NSD3: variants seen among roughly 807,000 people sequenced by gnomAD.
The protein encoded by NSD3 is histone-lysine N-methyltransferase NSD3.
Under a neutral mutation model 160.8 loss-of-function variants are expected in NSD3, and 24 were observed. The observed-to-expected ratio is 0.15, with a 90% confidence interval of 0.11 to 0.21. NSD3 has a LOEUF of 0.21. Ranked by LOEUF, NSD3 falls within the 10% of genes least tolerant of loss-of-function variation. NSD3 has a pLI of 1.00. For missense variants in NSD3, 1,157 were observed against 1,735.9 expected (o/e 0.67, Z 5.93); for synonymous variants, 520 against 600.0 (o/e 0.87, Z 1.95).
In NSD3 at chr8:38,351,179, G is replaced by A. The variant is rs536724880; in HGVS notation, c.-44-2964C>T. 3.5e-3 allele frequency among the ~76,000 whole-genome samples: 507 copies of A among 146,548 alleles called. 2 individuals carry two copies. Among genetic ancestry groups the A allele is most frequent in the Middle Eastern group, 0.011 (3 of 284 alleles). ...TTTTTAGTAGAGACGGGGTTTCACC[G>A]TGTTAGCCAGGATGGTCTCGATCTC... On this transcript the variant is annotated intron_variant, in intron 1 of 23. Coordinates refer to ENST00000317025, the MANE Select transcript of NSD3 (RefSeq NM_023034.2).
chr8:38,379,000 A>G (rs1193673856), intron 1 of NSD3, among the ~76,000 whole-genome samples: 1 of 152,282 alleles, frequency 6.6e-6, no homozygotes, highest in Admixed American at 6.5e-5. Flanking sequence ...CAGATTTGAC[A>G]GTTCACTCAA....
intron 11 of NSD3, 58 bp downstream of exon 11, chr8:38,315,358 A>G (rs1809632372): frequency 2.0e-6 from 3 of 1,482,806 alleles, no homozygotes; most frequent in South Asian, 1.4e-5. Context: ...AGTTAAGTCT[A>G]TTACTGGCAG....
rs1808686172 is a variant in NSD3 at position 38,279,619 on chromosome 8, A to G, written c.3681T>C (p.Asn1227=). Residue 1227 remains asparagine (N), a synonymous_variant, in exon 21 of 24, where the codon AAT becomes AAC. Transcript: ENST00000317025. ...NYSRFMNHSC[N]PNCETQKWTV... is the part of the protein sequence containing the mutation. ...TCCACTTTTGTGTTTCACAGTTGGG[A>G]TTACAACTGTGGTTCATGAAGCGAG... 3.7e-6 allele frequency: 6 copies of G among 1,614,016 alleles called. No individual in the cohort carries two copies. Among genetic ancestry groups the G allele is most frequent in the Non-Finnish European group, 5.1e-6 (6 of 1,180,016 alleles).
At chr8:38,340,398 C>T (rs561342665) in intron 2 of NSD3, among the ~76,000 whole-genome samples, 10 of 152,238 alleles carry the variant, frequency 6.6e-5, no homozygotes, top group African/African-American at 2.2e-4. Context: ...AGTGTGGTGG[C>T]GCCATCTCGG....
intron 2 of NSD3, among the ~76,000 whole-genome samples, chr8:38,344,133 T>C (rs139670017): frequency 6.6e-5 from 10 of 152,348 alleles, no homozygotes; most frequent in African/African-American, 1.7e-4. Flanking sequence ...CACATTTTCA[T>C]TGCTGAGAAG....
intron 1 of NSD3, among the ~76,000 whole-genome samples, chr8:38,373,397 T>G (rs1216247504): frequency 6.6e-6 from 1 of 152,166 alleles, no homozygotes; most frequent in Non-Finnish European, 1.5e-5. Flanking sequence ...TTTTGTATTT[T>G]CACTTCCTAA....
intron 1 of NSD3, among the ~76,000 whole-genome samples, chr8:38,364,847 A>C (rs1811069924): frequency 6.6e-6 from 1 of 152,240 alleles, no homozygotes; most frequent in Non-Finnish European, 1.5e-5. Context: ...AATTATATTA[A>C]TCCAACAATT....
chr8:38,342,426 T>C (rs1457107450), intron 2 of NSD3, among the ~76,000 whole-genome samples: 2 of 152,224 alleles, frequency 1.3e-5, no homozygotes, highest in Non-Finnish European at 2.9e-5. Context: ...GTTCAATTCA[T>C]CTTAATTTTA....
At chr8:38,334,949 A>T (rs912767681) in intron 4 of NSD3, among the ~76,000 whole-genome samples, 1 of 151,680 alleles carries the variant, frequency 6.6e-6, no homozygotes, top group Non-Finnish European at 1.5e-5. Context: ...CCAGCACTAA[A>T]GTAGGAAACT....
rs766964053 is a variant in NSD3, at chr8:38,314,762, G to A, written c.2127C>T (p.Ser709=). 27 of 1,613,812 alleles carry A rather than the reference G, an allele frequency of 1.7e-5. No homozygotes were observed. Among genetic ancestry groups the A allele is most frequent in the South Asian group, 6.6e-5 (6 of 91,072 alleles). ...CACAAGGAATCAGAGAGTCACCAGA[G>A]CTTTCACAAATCTGTAATATGGCAA... ...KKDTVCQICE[S]SGDSLIPCEG... The change falls in exon 12 of 24, where the codon AGC becomes AGT. Residue 709 remains serine, a synonymous_variant. Transcript: ENST00000317025.
At position 38,281,181 on chromosome 8, in the gene NSD3, A is replaced by G. The variant is rs568947296; in HGVS notation, c.3618+286T>C. ...AGTAATAAAGAAACTGAGGCCCAGGACTTTTTTGACAAAGAGCTCAGACTA... is the reference window on the plus strand; with the variant it reads ...AGTAATAAAGAAACTGAGGCCCAGGGCTTTTTTGACAAAGAGCTCAGACTA... On this transcript the variant is annotated intron_variant, in intron 20 of 23. Coordinates refer to ENST00000317025, the MANE Select transcript of NSD3 (RefSeq NM_023034.2). Among the ~76,000 whole-genome samples, 12 of 152,296 alleles carry G rather than the reference A, an allele frequency of 7.9e-5. No homozygotes were observed. In the South Asian group the frequency reaches 2.5e-3, roughly 32 times the overall value.
At position 38,327,742 on chromosome 8, in the gene NSD3, G is replaced by A. The variant is rs539811225; in HGVS notation, c.1582-886C>T. On this transcript the variant is annotated intron_variant, in intron 6 of 23. Transcript: ENST00000317025. ...AGAAAAAAATGCCAATATGTCTTAA[G>A]AGACAAGAATACCCCTAGATACAGA... 7.2e-3 allele frequency among the ~76,000 whole-genome samples: 1,093 copies of A among 152,206 alleles called. 9 individuals are homozygous for A. Among genetic ancestry groups the A allele is most frequent in the Non-Finnish European group, 0.01 (686 of 67,996 alleles).
chr8:38,291,756 C>T (rs1044956869), intron 16 of NSD3, among the ~76,000 whole-genome samples: 19 of 152,284 alleles, frequency 1.2e-4, no homozygotes, highest in African/African-American at 3.4e-4. Context: ...CCTTCACTAA[C>T]GTCAGTTAGG....
Position 38,284,627 on chromosome 8 carries a change from T to A in NSD3, c.3502-3044A>T, listed in dbSNP as rs536216827. The stretch of plus-strand genomic sequence containing the variant: ...GTCTCGAACTCGTAATCTCAAATGA[T>A]CCACCTGCCTCAACCTCCGAAAGTG... On this transcript the variant is annotated intron_variant, in intron 19 of 23. Coordinates refer to ENST00000317025, the MANE Select transcript of NSD3 (RefSeq NM_023034.2). 1.3e-5 allele frequency among the ~76,000 whole-genome samples: 2 copies of A among 152,288 alleles called. 1 individual carries two copies. Among genetic ancestry groups the A allele is most frequent in the South Asian group, 4.2e-4 (2 of 4,818 alleles).
chr8:38,290,876 CCTGATCTA>C (rs1808985079), intron 16 of NSD3, 199 bp from the exon 17 acceptor site: 1 of 475,452 alleles, frequency 2.1e-6, no homozygotes, highest in African/African-American at 1.9e-5. Flanking sequence ...GCCCTAAACA[CCTGATCTA>C]CTTTCTTTTA....
chr8:38,357,199 G>C (rs1585919882), intron 1 of NSD3, among the ~76,000 whole-genome samples: 1 of 145,876 alleles, frequency 6.9e-6, no homozygotes. Flanking sequence ...GTGGTTTTAA[G>C]ATGTCATATA....
rs1467164071 is a variant in NSD3 at position 38,270,443 on chromosome 8, A to C, written c.*5198T>G. 6.6e-6 allele frequency: 1 copy of C among 152,244 alleles called. No individual in the cohort carries two copies. Among genetic ancestry groups the C allele is most frequent in the Non-Finnish European group, 1.5e-5 (1 of 68,044 alleles). The allele number at this position is 152,244 out of a possible 1,614,324, so 9.4% of individuals were successfully genotyped here. ...CAAATATACACATACCCTTGTATAT[A>C]AAAAATGATATTAGCCAGTTGTAAT... On this transcript the variant is annotated 3_prime_UTR_variant, in exon 24 of 24. Coordinates refer to ENST00000317025, the MANE Select transcript of NSD3 (RefSeq NM_023034.2).
intron 1 of NSD3, among the ~76,000 whole-genome samples, chr8:38,352,287 TG>T (rs1432174299): frequency 6.6e-6 from 1 of 152,066 alleles, no homozygotes; most frequent in Non-Finnish European, 1.5e-5. Flanking sequence ...GAAATGATTT[TG>T]GAAGTCCTAA....
chr8:38,339,286 T>C (rs1012921474), intron 2 of NSD3, among the ~76,000 whole-genome samples: 3 of 152,226 alleles, frequency 2.0e-5, no homozygotes, highest in African/African-American at 7.2e-5. Context: ...TTTGGTTGTA[T>C]ATATGAAAAA....
Sources: gnomAD v4.1 joint callset for allele counts (sites outside exome capture counted in the v4.1 genomes callset) on GRCh38, gnomAD v4.1.1 for gene constraint, MANE v1.5 for transcripts, NCBI Gene and HGNC (gene_info 2026-07-23, HGNC 2026-07-21) for gene names.